NLRP5: variants seen among roughly 807,000 people sequenced by gnomAD.
NLRP5 encodes the protein NACHT, LRR and PYD domains-containing protein 5.
NLRP5 carries 93 observed loss-of-function variants against 113.1 expected under a neutral mutation model. The ratio of observed to expected loss-of-function variants is 0.82; its 90% CI spans 0.70 to 0.98. The LOEUF (loss-of-function observed/expected upper bound fraction) is 0.98. Ranked by LOEUF, NLRP5 falls within the 50% of genes least tolerant of loss-of-function variation. NLRP5 has a pLI of 0.00. For missense variants in NLRP5, 1,808 were observed against 1,514.3 expected (o/e 1.19, Z -3.22); for synonymous variants, 751 against 600.7 (o/e 1.25, Z -3.66).
intron 11 of NLRP5, among the ~76,000 whole-genome samples, chr19:56,050,121 A>G (rs1280233366): frequency 6.6e-6 from 1 of 151,904 alleles, no homozygotes; most frequent in Non-Finnish European, 1.5e-5. Context: ...CTCTACTAAA[A>G]ATACAAAAAT....
upstream of NLRP5, chr19:55,999,637 A>T: frequency 1.0e-6 from 1 of 982,514 alleles, no homozygotes; most frequent in South Asian, 1.3e-5. Flanking sequence ...ACCTCACAGT[A>T]ACCCTTGAAG....
At chr19:56,008,074 G>A (rs565184882) in intron 2 of NLRP5, among the ~76,000 whole-genome samples, 58 of 134,854 alleles carry the variant, frequency 4.3e-4, no homozygotes, top group Non-Finnish European at 5.6e-4. Flanking sequence ...GACTACAGGC[G>A]CCCGCCACCA....
chr19:56,043,160 T>G (rs1983583163), intron 11 of NLRP5, among the ~76,000 whole-genome samples: 1 of 152,216 alleles, frequency 6.6e-6, no homozygotes, highest in Non-Finnish European at 1.5e-5. Context: ...GTTGTACTTT[T>G]AGTTCTTTAA....
At chr19:56,001,555 A>G (rs1054137513) in intron 1 of NLRP5, among the ~76,000 whole-genome samples, 1 of 152,152 alleles carries the variant, frequency 6.6e-6, no homozygotes, top group African/African-American at 2.4e-5. Context: ...AGAAGGAAAG[A>G]CGGGGGCTAA....
At chr19:55,993,126 G>A in the NLRP5 span, among the ~76,000 whole-genome samples, 1 of 152,004 alleles carries the variant, frequency 6.6e-6, no homozygotes. Flanking sequence ...TGGGATTACA[G>A]GTGTGAGCCA....
intron 5 of NLRP5, among the ~76,000 whole-genome samples, chr19:56,019,648 C>T (rs558551395): frequency 1.3e-5 from 2 of 152,058 alleles, no homozygotes; most frequent in African/African-American, 4.8e-5. Context: ...TTCTAGGGGA[C>T]TCGAATCAAT....
rs758064527 is a variant in NLRP5 at position 56,019,386 on chromosome 19, A to G, written c.610A>G (p.Thr204Ala). ...ACAAGAAGGTGCCACAGCAGCAGAG[A>G]CAGAAGAACAAGGTGAGGAAAATAG... The change falls in exon 5 of 15, where the codon ACA (threonine) becomes GCA (alanine). Residue 204 changes from threonine (T) to alanine (A), a missense_variant. Physicochemically the swap from Thr to Ala is moderately conservative, Grantham distance 58. Transcript: ENST00000390649. 2 of 1,613,968 alleles carry G rather than the reference A, an allele frequency of 1.2e-6. No homozygotes were observed. Among genetic ancestry groups the G allele is most frequent in the East Asian group, 4.5e-5 (2 of 44,880 alleles).
In NLRP5 at chr19:56,031,969, AT is replaced by A. The variant is rs558751686; in HGVS notation, c.2277-635del. Among the ~76,000 whole-genome samples, 21 of 152,128 alleles carry A rather than the reference AT, an allele frequency of 1.4e-4. No homozygotes were observed. The South Asian group carries it at 2.5e-3, about 18-fold the overall frequency. ...GGTCCTATGGTAGCTCTATTTTAAT[AT>A]TTTTTTAGGAACCTCTGTACTGTTT... On this transcript the variant is annotated intron_variant, in intron 7 of 14. Transcript: ENST00000390649.
At chr19:56,016,182 C>T (rs538883240) in intron 4 of NLRP5, among the ~76,000 whole-genome samples, 2 of 152,116 alleles carry the variant, frequency 1.3e-5, no homozygotes, top group East Asian at 1.9e-4. Flanking sequence ...AGATGGAGTT[C>T]TTTTCTTGTG....
chr19:56,005,234 T>C (rs972546604), intron 2 of NLRP5, among the ~76,000 whole-genome samples: 1 of 143,094 alleles, frequency 7.0e-6, no homozygotes, highest in Non-Finnish European at 1.5e-5. Flanking sequence ...CATATATTTT[T>C]ATATATACAC....
chr19:56,058,457 C>T (rs1428815903), intron 14 of NLRP5, 47 bp downstream of exon 14: 2 of 1,526,530 alleles, frequency 1.3e-6, no homozygotes, highest in African/African-American at 1.4e-5. Flanking sequence ...TGCTTCTGTT[C>T]CAGGCTTGTT....
At chr19:56,046,648 C>G (rs1474886201) in intron 11 of NLRP5, among the ~76,000 whole-genome samples, 1 of 152,098 alleles carries the variant, frequency 6.6e-6, no homozygotes, top group African/African-American at 2.4e-5. Flanking sequence ...TCACACCATT[C>G]TCCTGCCTCA....
At chr19:56,013,368 A>G (rs1488674204) in intron 3 of NLRP5, among the ~76,000 whole-genome samples, 1 of 151,432 alleles carries the variant, frequency 6.6e-6, no homozygotes, top group African/African-American at 2.4e-5. Context: ...AATTTTTTGT[A>G]TTTTCAGTAG....
the NLRP5 span, among the ~76,000 whole-genome samples, chr19:55,990,091 T>TC: frequency 2.3e-4 from 17 of 72,986 alleles, no homozygotes; most frequent in African/African-American, 5.5e-4. Context: ...TTTTTTTTTT[T>TC]TTTTTTTTTT....
rs754695863 is a variant in NLRP5 at position 56,027,830 on chromosome 19, C to G, written c.1597C>G (p.Arg533Gly). Reference sequence around the variant, plus strand: ...AAGAGTTGTCCTGAAGCGCTTCTGCCGTATGGCTGTGGAGGGAGTGTGGAA... The same window carrying G: ...AAGAGTTGTCCTGAAGCGCTTCTGCGGTATGGCTGTGGAGGGAGTGTGGAA... The change falls in exon 7 of 15, where the codon CGT becomes GGT. Residue 533 changes from arginine to glycine, a missense_variant. By Grantham distance (125) the Arg-to-Gly change is moderately radical. Transcript: ENST00000390649. 1 of 1,613,866 alleles carries G rather than the reference C, an allele frequency of 6.2e-7. No homozygotes were observed. Among genetic ancestry groups the G allele is most frequent in the African/African-American group, 1.3e-5 (1 of 74,922 alleles).
intron 6 of NLRP5, among the ~76,000 whole-genome samples, chr19:56,024,715 G>T (rs1045506724): frequency 6.6e-6 from 1 of 151,250 alleles, no homozygotes; most frequent in Non-Finnish European, 1.5e-5. Flanking sequence ...CCAAGATCAC[G>T]CTGCTGCACT....
Position 56,009,443 on chromosome 19 carries a change from C to G in NLRP5, c.508+590C>G, listed in dbSNP as rs189477418. 2.2e-4 allele frequency among the ~76,000 whole-genome samples: 34 copies of G among 151,170 alleles called. No homozygotes were observed. The East Asian group carries it at 6.3e-3, about 28-fold the overall frequency. ...GGGTAACCTTATGACCCCACTATGA[C>G]AAGCTCCTCCCAATAACCCAGTAGG... is the stretch of plus-strand genomic sequence containing the variant. On this transcript the variant is annotated intron_variant, in intron 3 of 14. Transcript: ENST00000390649.
chr19:56,028,274 C>G lies in NLRP5; in HGVS notation c.2041C>G (p.Pro681Ala), dbSNP rs1158161924. 5.6e-6 allele frequency: 9 copies of G among 1,613,828 alleles called. No individual in the cohort carries two copies. The highest frequency in any genetic ancestry group is 5.0e-5 in the Admixed American group (3 of 59,992). Reference sequence around the variant, plus strand: ...GGGTCAGCAGCCTAATGCCACCACCCCAGGAGACACCCTGGACGCCTTCCA... The same window carrying G: ...GGGTCAGCAGCCTAATGCCACCACCGCAGGAGACACCCTGGACGCCTTCCA... The change falls in exon 7 of 15, where the codon CCA becomes GCA. Residue 681 changes from proline to alanine, a missense_variant. By Grantham distance (27) the Pro-to-Ala change is conservative. Transcript: ENST00000390649.
intron 11 of NLRP5, among the ~76,000 whole-genome samples, chr19:56,043,669 C>T (rs944599938): frequency 2.7e-5 from 4 of 148,270 alleles, no homozygotes; most frequent in African/African-American, 1.0e-4. Context: ...GGGTTCATGC[C>T]ATTCTCCTGC....
Sources: allele counts gnomAD v4.1 joint callset (sites outside exome capture counted in the v4.1 genomes callset), GRCh38; gene constraint gnomAD v4.1.1; transcripts MANE v1.5; gene names NCBI Gene and HGNC (gene_info 2026-07-23, HGNC 2026-07-21).